The following FABP7 variants were observed in gnomAD, a reference collection of about 807,000 sequenced individuals.
FABP7 encodes the protein fatty acid-binding protein, brain.
In FABP7, 13 loss-of-function variants were observed where a neutral mutation model predicts 14.2. The ratio of observed to expected loss-of-function variants is 0.91; its 90% CI spans 0.59 to 1.45. The LOEUF (loss-of-function observed/expected upper bound fraction) is 1.45, where lower values mean the gene tolerates loss of function less well. Among genes scored for constraint, FABP7 ranks in the 40% most tolerant of loss-of-function variants. FABP7 has a pLI of 0.00. For synonymous variants in FABP7, 49 were observed against 51.4 expected, an observed-to-expected ratio of 0.95 and a Z score of 0.20; for missense variants, 149 against 157.6, an observed-to-expected ratio of 0.95 and a Z score of 0.29.
chr6:122,781,740 C>CT (rs34336029), intron 3 of FABP7: 154,790 of 730,890 alleles, frequency 0.21, 4,348 homozygotes, highest in Middle Eastern at 0.24. Context: ...AGTGATAACC[C>CT]TTTTTTTTTT....
rs746482438 is a variant in FABP7 at position 122,779,764 on chromosome 6, C to T, written c.-31C>T. ...TGGCAATTAGACCAGAAGATCCCCG[C>T]TCCTGTCTCTAAAGAGGGGAAAGGG... On this transcript the variant is annotated 5_prime_UTR_variant, in exon 1 of 4. Coordinates refer to ENST00000368444, the MANE Select transcript of FABP7 (RefSeq NM_001446.5). The T allele has an allele frequency of 6.2e-7, 1 of 1,610,790 alleles. No homozygotes were observed.
the FABP7 span, among the ~76,000 whole-genome samples, chr6:122,754,520 G>T: frequency 6.6e-6 from 1 of 151,982 alleles, no homozygotes; most frequent in African/African-American, 2.4e-5. Context: ...AGACCTTCAA[G>T]ATCTCAACTT....
chr6:122,777,875 T>TAAATAAATAA (rs1339272538), upstream of FABP7, among the ~76,000 whole-genome samples: 4 of 35,770 alleles, frequency 1.1e-4, no homozygotes, highest in Non-Finnish European at 3.5e-4. Context: ...TAAATAAATA[T>TAAATAAATAA]AATTTTTTTA....
At chr6:122,776,499 G>GT (rs2115138877), upstream of FABP7, among the ~76,000 whole-genome samples, 1 of 152,274 alleles carries the variant, frequency 6.6e-6, no homozygotes, top group Admixed American at 6.5e-5. Flanking sequence ...TAGAATGGTG[G>GT]TTACAAGAGG....
upstream of FABP7, among the ~76,000 whole-genome samples, chr6:122,775,641 A>G (rs1015655200): frequency 1.3e-5 from 2 of 152,064 alleles, no homozygotes; most frequent in Admixed American, 6.6e-5. Flanking sequence ...ACAGGCAACC[A>G]AAGCAAAAAT....
the FABP7 span, among the ~76,000 whole-genome samples, chr6:122,766,048 T>C: frequency 6.6e-6 from 1 of 152,094 alleles, no homozygotes; most frequent in African/African-American, 2.4e-5. Flanking sequence ...AGGATCTTTT[T>C]TTTCTTTCCC....
At chr6:122,752,398 T>G in the FABP7 span, among the ~76,000 whole-genome samples, 1 of 152,216 alleles carries the variant, frequency 6.6e-6, no homozygotes, top group East Asian at 1.9e-4. Context: ...CTAACCCCTC[T>G]GCAGGGTTAA....
At chr6:122,770,025 G>A in the FABP7 span, among the ~76,000 whole-genome samples, 1 of 152,010 alleles carries the variant, frequency 6.6e-6, no homozygotes, top group African/African-American at 2.4e-5. Context: ...AAACCATATT[G>A]ATAGCTTCTT....
At chr6:122,772,752 A>G in the FABP7 span, among the ~76,000 whole-genome samples, 1 of 152,130 alleles carries the variant, frequency 6.6e-6, no homozygotes, top group South Asian at 2.1e-4. Context: ...ATAAGATAAA[A>G]GTTACATATC....
the FABP7 span, among the ~76,000 whole-genome samples, chr6:122,756,046 C>T: frequency 2.6e-5 from 4 of 152,168 alleles, no homozygotes; most frequent in Non-Finnish European, 4.4e-5. Flanking sequence ...GGCCGCCCCT[C>T]CTCCGGGGAT....
chr6:122,756,381 C>T, the FABP7 span, among the ~76,000 whole-genome samples: 2 of 152,210 alleles, frequency 1.3e-5, no homozygotes, highest in African/African-American at 4.8e-5. Flanking sequence ...ATACCTTCCC[C>T]TCTTCATTCT....
upstream of FABP7, among the ~76,000 whole-genome samples, chr6:122,776,838 A>C (rs1194057202): frequency 6.6e-6 from 1 of 152,190 alleles, no homozygotes; most frequent in Non-Finnish European, 1.5e-5. Flanking sequence ...TAGTCACTTG[A>C]CTTTTTCTAA....
At chr6:122,777,087 T>A (rs372686609), upstream of FABP7, among the ~76,000 whole-genome samples, 11 of 152,308 alleles carry the variant, frequency 7.2e-5, no homozygotes, top group East Asian at 1.2e-3. Context: ...GCACTTGTGA[T>A]CTATAAAGGG....
the FABP7 span, among the ~76,000 whole-genome samples, chr6:122,758,650 A>C: frequency 6.6e-6 from 1 of 152,200 alleles, no homozygotes; most frequent in Admixed American, 6.5e-5. Context: ...GATAATCCTT[A>C]CCCTAAGTAT....
the FABP7 span, among the ~76,000 whole-genome samples, chr6:122,767,758 A>C: frequency 1.4e-5 from 2 of 147,616 alleles, no homozygotes; most frequent in African/African-American, 2.4e-5. Flanking sequence ...CTAAAAGGAA[A>C]AAAAAAAAAA....
chr6:122,782,655 G>A (rs1386426127), intron 3 of FABP7: 6 of 985,286 alleles, frequency 6.1e-6, no homozygotes, highest in African/African-American at 3.5e-5. Flanking sequence ...GGAGGAGGGT[G>A]TGAGAATGCT....
chr6:122,759,219 G>A, the FABP7 span, among the ~76,000 whole-genome samples: 7 of 152,066 alleles, frequency 4.6e-5, no homozygotes, highest in African/African-American at 1.7e-4. Flanking sequence ...AAATCAGGTA[G>A]CAAGAATTCT....
chr6:122,759,750 C>T, the FABP7 span, among the ~76,000 whole-genome samples: 2 of 152,152 alleles, frequency 1.3e-5, no homozygotes, highest in Non-Finnish European at 2.9e-5. Flanking sequence ...CTCTAAATAA[C>T]TATGCTACAA....
chr6:122,752,115 C>A, the FABP7 span, among the ~76,000 whole-genome samples: 1 of 151,690 alleles, frequency 6.6e-6, no homozygotes, highest in African/African-American at 2.4e-5. Context: ...TAGCAAACCT[C>A]CCCTAGCAAC....
Sources: gnomAD v4.1 joint callset for allele counts (sites outside exome capture counted in the v4.1 genomes callset) on GRCh38, gnomAD v4.1.1 for gene constraint, MANE v1.5 for transcripts, NCBI Gene and HGNC (gene_info 2026-07-23, HGNC 2026-07-21) for gene names.